Variants in ZNF438 observed in about 807,000 individuals in gnomAD.
ZNF438 encodes the protein zinc finger protein 438.
A neutral mutation model predicts 38.0 loss-of-function variants in ZNF438; 25 were observed. The ratio of observed to expected loss-of-function variants is 0.66; its 90% CI spans 0.48 to 0.92. ZNF438 has a LOEUF of 0.92. ZNF438 is among the 40% of genes least tolerant of loss of function. The pLI, the probability that ZNF438 is intolerant of heterozygous loss-of-function variation, is 0.00. For synonymous variants in ZNF438, 372 were observed against 364.1 expected (o/e 1.02, Z -0.25); for missense variants, 1,007 against 999.6 (o/e 1.01, Z -0.10).
exon 5 of ZNF438, chr10:30,849,714 G>T: frequency 1.9e-6 from 3 of 1,614,224 alleles, no homozygotes; most frequent in Non-Finnish European, 2.5e-6. Flanking sequence ...GTGAGGTCCT[G>T]CTTGGCAGGC....
intron 2 of ZNF438, among the ~76,000 whole-genome samples, chr10:30,917,600 G>A (rs2043801725): frequency 1.3e-5 from 2 of 152,116 alleles, no homozygotes; most frequent in African/African-American, 4.8e-5. Flanking sequence ...CTTCCGTTGT[G>A]CAGTGTCTGT....
chr10:30,848,698 A>G lies in ZNF438; in HGVS notation c.1707T>C (p.Cys569=), dbSNP rs764096379. ...GGCCAAACACTTTTGCACAAAACTCACAACACATGAGTTTCTTCAGACGGT... is the reference window on the plus strand; with the variant it reads ...GGCCAAACACTTTTGCACAAAACTCGCAACACATGAGTTTCTTCAGACGGT... Residue 569 remains cysteine (C), a synonymous_variant, in exon 5 of 6, where the codon TGT becomes TGC. Transcript: ENST00000413025. The G allele has an allele frequency of 9.3e-6, 15 of 1,614,090 alleles. No individual in the cohort carries two copies. In the African/African-American group the frequency reaches 1.5e-4, roughly 16 times the overall value.
chr10:30,989,295 G>C (rs2053206543), intron 1 of ZNF438, among the ~76,000 whole-genome samples: 2 of 152,292 alleles, frequency 1.3e-5, no homozygotes, highest in South Asian at 4.1e-4. Context: ...AGGGAGATTA[G>C]AAAGTATTTA....
At chr10:30,853,614 C>T (rs773706205) in intron 4 of ZNF438, among the ~76,000 whole-genome samples, 6 of 152,210 alleles carry the variant, frequency 3.9e-5, no homozygotes, top group South Asian at 2.1e-4. Context: ...TTCTTCTCAA[C>T]GAGCATCTCC....
chr10:30,979,586 C>G (rs190775885), intron 1 of ZNF438, among the ~76,000 whole-genome samples: 1 of 152,208 alleles, frequency 6.6e-6, no homozygotes, highest in African/African-American at 2.4e-5. Context: ...TGGAACAGAA[C>G]AGAGGCCTCA....
chr10:31,010,863 A>G (rs2055606399), intron 1 of ZNF438, among the ~76,000 whole-genome samples: 1 of 141,490 alleles, frequency 7.1e-6, no homozygotes, highest in Non-Finnish European at 1.5e-5. Flanking sequence ...ACTGCACTCC[A>G]GCCTGGATAA....
chr10:30,845,443 C>T, exon 6 of ZNF438: 1 of 1,614,158 alleles, frequency 6.2e-7, no homozygotes, highest in South Asian at 1.1e-5. Flanking sequence ...TCTCCATGAA[C>T]ATCAAGTAAA....
chr10:31,021,789 G>A (rs1193803491), intron 1 of ZNF438, among the ~76,000 whole-genome samples: 1 of 152,116 alleles, frequency 6.6e-6, no homozygotes, highest in Non-Finnish European at 1.5e-5. Context: ...ACAATACAGT[G>A]GTGGTTCAAG....
chr10:30,895,802 C>G (rs1267863694), intron 3 of ZNF438, among the ~76,000 whole-genome samples: 2 of 152,182 alleles, frequency 1.3e-5, no homozygotes, highest in East Asian at 3.9e-4. Flanking sequence ...GAAATAACAC[C>G]TCACACTCAT....
At chr10:30,981,022 G>A (rs1277189201) in intron 1 of ZNF438, among the ~76,000 whole-genome samples, 1 of 152,150 alleles carries the variant, frequency 6.6e-6, no homozygotes, top group Non-Finnish European at 1.5e-5. Context: ...CCTGGTCTCT[G>A]GCATGTGTTG....
rs190821300 is a variant in ZNF438 at position 30,895,481 on chromosome 10, T to C, written c.-32+13452A>G. Among the ~76,000 whole-genome samples the C allele has an allele frequency of 2.0e-4, 30 of 152,244 alleles. No homozygotes were observed. In the East Asian group the frequency reaches 5.8e-3, roughly 29 times the overall value. On this transcript the variant is annotated intron_variant, in intron 3 of 5. Transcript: ENST00000413025. The stretch of plus-strand genomic sequence containing the variant: ...TGTGACTGAGATGACACCAAAAACA[T>C]AGGCAGCAAAGGTAAAAATAGATAA...
intron 1 of ZNF438, among the ~76,000 whole-genome samples, chr10:31,022,457 C>T (rs1479683106): frequency 2.0e-5 from 3 of 152,074 alleles, no homozygotes; most frequent in Admixed American, 6.5e-5. Flanking sequence ...GACAGGGTTT[C>T]GCAATGTTGG....
chr10:30,867,281 A>G (rs2036605051), intron 4 of ZNF438, among the ~76,000 whole-genome samples: 1 of 152,170 alleles, frequency 6.6e-6, no homozygotes, highest in Non-Finnish European at 1.5e-5. Flanking sequence ...GAATTTAAAG[A>G]TATTTGCAGA....
At chr10:30,844,636 TTCAC>T (rs1248499230) in exon 6 of ZNF438, 4 of 220,876 alleles carry the variant, frequency 1.8e-5, no homozygotes, top group Admixed American at 1.5e-4. Flanking sequence ...CATGCATGTT[TTCAC>T]TGAGAGCTGT....
intron 1 of ZNF438, among the ~76,000 whole-genome samples, chr10:30,990,128 A>C (rs182380008): frequency 4.3e-4 from 65 of 152,288 alleles, no homozygotes; most frequent in African/African-American, 1.4e-3. Flanking sequence ...TTCTTAAAAA[A>C]CTGGTCACCT....
chr10:30,899,379 G>A (rs1020466354), intron 3 of ZNF438, among the ~76,000 whole-genome samples: 41 of 152,216 alleles, frequency 2.7e-4, no homozygotes, highest in Admixed American at 1.1e-3. Flanking sequence ...TAAATGATTC[G>A]TGTGACAAAA....
rs539807839 is a variant in ZNF438, at chr10:31,008,271, CTTTT to C, written c.-192+23558_-192+23561del. Among the ~76,000 whole-genome samples the C allele has an allele frequency of 9.5e-4, 144 of 152,168 alleles. 2 individuals carry two copies. Among genetic ancestry groups the C allele is most frequent in the East Asian group, 2.7e-3 (14 of 5,196 alleles). Reference sequence around the variant, plus strand: ...ATTCCCACATATTACCTCACTTCTTCTTTTTTAACAGCTTCATTGAGGTATAATT... The same window carrying C: ...ATTCCCACATATTACCTCACTTCTTCTTAACAGCTTCATTGAGGTATAATT... On this transcript the variant is annotated intron_variant, in intron 1 of 5. Coordinates refer to ENST00000413025, the Ensembl canonical transcript of ZNF438.
intron 2 of ZNF438, among the ~76,000 whole-genome samples, chr10:30,929,570 G>T (rs2045386086): frequency 6.6e-6 from 1 of 152,222 alleles, no homozygotes; most frequent in Admixed American, 6.5e-5. Context: ...AAAGAACAAA[G>T]CTTTCACAAA....
intron 1 of ZNF438, among the ~76,000 whole-genome samples, chr10:30,996,397 T>A (rs908614325): frequency 1.1e-4 from 16 of 152,116 alleles, no homozygotes; most frequent in African/African-American, 3.9e-4. Flanking sequence ...ACAAATAGGT[T>A]GAAAGTAAAA....
Sources: allele counts gnomAD v4.1 joint callset (sites outside exome capture counted in the v4.1 genomes callset), GRCh38; gene constraint gnomAD v4.1.1; transcripts MANE v1.5; gene names NCBI Gene and HGNC (gene_info 2026-07-23, HGNC 2026-07-21).